The following DTNA variants were observed in gnomAD, a reference collection of about 807,000 sequenced individuals.
The protein encoded by DTNA is dystrophin-related protein 3.
DTNA carries 43 observed loss-of-function variants against 100.7 expected under a neutral mutation model. The ratio of observed to expected loss-of-function variants is 0.43; its 90% CI spans 0.33 to 0.55. The LOEUF is 0.55. Ranked by LOEUF, DTNA falls within the 20% of genes least tolerant of loss-of-function variation. The probability of loss-of-function intolerance (pLI) is 0.04; values close to 1 mark genes in which losing one functional copy is unlikely to be tolerated. For missense variants in DTNA, 798 were observed against 953.9 expected (o/e 0.84, Z 2.15); for synonymous variants, 349 against 347.9 (o/e 1.00, Z -0.04).
At chr18:34,532,987 A>T (rs2043299958) in intron 1 of DTNA, among the ~76,000 whole-genome samples, 1 of 152,042 alleles carries the variant, frequency 6.6e-6, no homozygotes, top group African/African-American at 2.4e-5. Context: ...TTAGTGCCAT[A>T]ATGCGAGAAT....
intron 13 of DTNA, among the ~76,000 whole-genome samples, chr18:34,841,321 C>G (rs751533884): frequency 2.0e-4 from 30 of 152,110 alleles, no homozygotes; most frequent in Non-Finnish European, 2.2e-4. Context: ...GCATCCTCCA[C>G]GTATTTACTG....
Position 34,703,420 on chromosome 18 carries a change from A to G in DTNA, c.-1-52556A>G, listed in dbSNP as rs76594453. ...AAACGAAGAACATCTATTCACCATT[A>G]TTTTCACTGGGATATACTTGCAAAT... On this transcript the variant is annotated intron_variant, in intron 1 of 19. Transcript: ENST00000283365. Among the ~76,000 whole-genome samples the G allele has an allele frequency of 2.9e-3, 445 of 152,224 alleles. 2 individuals carry two copies. The highest frequency in any genetic ancestry group is 0.01 in the African/African-American group (416 of 41,528).
intron 1 of DTNA, among the ~76,000 whole-genome samples, chr18:34,576,253 C>A (rs2048103935): frequency 6.6e-6 from 1 of 152,170 alleles, no homozygotes; most frequent in African/African-American, 2.4e-5. Context: ...TGCCACAGAA[C>A]TGCCTCTGAT....
At chr18:34,869,025 T>A (rs2096737333) in intron 17 of DTNA, among the ~76,000 whole-genome samples, 1 of 152,096 alleles carries the variant, frequency 6.6e-6, no homozygotes, top group Admixed American at 6.5e-5. Flanking sequence ...GAAAGTAAGG[T>A]CTCAATATTA....
chr18:34,838,705 C>T (rs771239168), intron 12 of DTNA, 40 bp from the exon 13 acceptor site: 2 of 1,565,132 alleles, frequency 1.3e-6, no homozygotes, highest in Non-Finnish European at 1.8e-6. Context: ...CTGTCCACCT[C>T]TCTTAACAAC....
chr18:34,830,928 A>G (rs1351386139), intron 11 of DTNA, among the ~76,000 whole-genome samples: 5 of 152,218 alleles, frequency 3.3e-5, no homozygotes, highest in Non-Finnish European at 5.9e-5. Context: ...CAGCAACATT[A>G]TCTAAGCTTA....
At chr18:34,750,761 T>C (rs2092240778) in intron 1 of DTNA, among the ~76,000 whole-genome samples, 2 of 152,216 alleles carry the variant, frequency 1.3e-5, no homozygotes, top group South Asian at 2.1e-4. Context: ...AAGGCACCAT[T>C]AGTTTCAGCT....
chr18:34,879,473 G>A (rs1213692993), intron 19 of DTNA, 78 bp from the exon 20 acceptor site: 9 of 1,443,198 alleles, frequency 6.2e-6, no homozygotes, highest in Non-Finnish European at 8.7e-6. Context: ...AGGTTGATTT[G>A]TGAAGCCTAC....
chr18:34,616,913 T>G (rs1450360034), intron 1 of DTNA, among the ~76,000 whole-genome samples: 10 of 152,202 alleles, frequency 6.6e-5, no homozygotes, highest in Non-Finnish European at 1.5e-5. Context: ...GTTCTTGATT[T>G]GTCACTCAGC....
At chr18:34,560,561 G>C (rs117184619) in intron 1 of DTNA, among the ~76,000 whole-genome samples, 46 of 152,222 alleles carry the variant, frequency 3.0e-4, no homozygotes, top group Non-Finnish European at 5.6e-4. Context: ...CTGAACATAT[G>C]ATGCATCTTA....
chr18:34,508,565 G>T (rs1331096431), intron 1 of DTNA, among the ~76,000 whole-genome samples: 1 of 152,132 alleles, frequency 6.6e-6, no homozygotes, highest in African/African-American at 2.4e-5. Flanking sequence ...AGGTTAAAAG[G>T]TTTTAAAATG....
chr18:34,640,476 C>T (rs1030984645), intron 1 of DTNA, among the ~76,000 whole-genome samples: 13 of 152,204 alleles, frequency 8.5e-5, no homozygotes, highest in African/African-American at 3.1e-4. Flanking sequence ...GCATTGTCAG[C>T]AAAAATACCT....
At chr18:34,520,933 A>T (rs1418418978) in intron 1 of DTNA, among the ~76,000 whole-genome samples, 1 of 152,122 alleles carries the variant, frequency 6.6e-6, no homozygotes, top group Non-Finnish European at 1.5e-5. Context: ...TCCTAAAGTA[A>T]CATCTTAGAG....
At chr18:34,595,801 G>A (rs932354668) in intron 1 of DTNA, among the ~76,000 whole-genome samples, 8 of 152,166 alleles carry the variant, frequency 5.3e-5, no homozygotes, top group Non-Finnish European at 1.2e-4. Context: ...ACTTTGGTTT[G>A]CTTCTGCCAG....
At chr18:34,746,205 A>G (rs2091554210) in intron 1 of DTNA, among the ~76,000 whole-genome samples, 1 of 151,650 alleles carries the variant, frequency 6.6e-6, no homozygotes, top group Non-Finnish European at 1.5e-5. Flanking sequence ...CTTTTTAATT[A>G]TTTGGGGTTT....
intron 1 of DTNA, among the ~76,000 whole-genome samples, chr18:34,608,511 AG>A (rs1479001630): frequency 2.9e-5 from 4 of 138,970 alleles, no homozygotes; most frequent in African/African-American, 1.2e-4. Flanking sequence ...AGTATTCGTT[AG>A]GTTTTTTTTT....
intron 1 of DTNA, among the ~76,000 whole-genome samples, chr18:34,596,136 ATCT>A (rs1266284537): frequency 6.6e-6 from 1 of 152,136 alleles, no homozygotes; most frequent in Non-Finnish European, 1.5e-5. Context: ...CTGATTTCTG[ATCT>A]TCTCCTAAGT....
intron 10 of DTNA, chr18:34,829,137 C>A (rs1057128556): frequency 3.7e-6 from 6 of 1,613,872 alleles, no homozygotes; most frequent in South Asian, 1.1e-5. Flanking sequence ...CTGGTTCCTC[C>A]AGGGTGCATG....
intron 1 of DTNA, among the ~76,000 whole-genome samples, chr18:34,714,500 C>T (rs1568294634): frequency 6.7e-6 from 1 of 149,692 alleles, no homozygotes; most frequent in Non-Finnish European, 1.5e-5. Flanking sequence ...CCATCACTGG[C>T]CATCAGAGAA....
Sources: gnomAD v4.1 joint callset for allele counts (sites outside exome capture counted in the v4.1 genomes callset) on GRCh38, gnomAD v4.1.1 for gene constraint, MANE v1.5 for transcripts, NCBI Gene and HGNC (gene_info 2026-07-23, HGNC 2026-07-21) for gene names.